Variants in KCNQ5 observed in about 807,000 individuals in gnomAD.
KCNQ5 encodes potassium voltage-gated channel subfamily Q member 5.
A neutral mutation model predicts 98.2 loss-of-function variants in KCNQ5; 30 were observed. That is an observed-to-expected ratio of 0.31 (90% CI 0.23 to 0.41). The LOEUF is 0.41. KCNQ5 is among the 10% of genes least tolerant of loss of function. The pLI, the probability that KCNQ5 is intolerant of heterozygous loss-of-function variation, is 1.00. For missense variants in KCNQ5, 835 were observed against 1,182.5 expected (o/e 0.71, Z 4.31); for synonymous variants, 458 against 449.4 (o/e 1.02, Z -0.24).
chr6:73,185,949 G>A (rs367940070), intron 11 of KCNQ5, among the ~76,000 whole-genome samples: 2 of 152,222 alleles, frequency 1.3e-5, no homozygotes, highest in South Asian at 2.1e-4. Context: ...TATGGGCCAA[G>A]TGCAGTGGTT....
intron 1 of KCNQ5, among the ~76,000 whole-genome samples, chr6:72,802,133 T>C (rs1774693055): frequency 6.6e-6 from 1 of 152,072 alleles, no homozygotes; most frequent in Non-Finnish European, 1.5e-5. Flanking sequence ...AGGAGTATCT[T>C]TGTGGCGTTC....
intron 1 of KCNQ5, among the ~76,000 whole-genome samples, chr6:72,888,630 A>G (rs16883011): frequency 0.019 from 2,853 of 152,220 alleles, 94 homozygotes; most frequent in African/African-American, 0.064. Context: ...ACCATAAAGT[A>G]GTGACAACGA....
chr6:72,815,267 A>G (rs1775451606), intron 1 of KCNQ5, among the ~76,000 whole-genome samples: 2 of 152,196 alleles, frequency 1.3e-5, no homozygotes, highest in South Asian at 2.1e-4. Flanking sequence ...CTCACTTTTT[A>G]TCCTTAGAAC....
intron 3 of KCNQ5, among the ~76,000 whole-genome samples, chr6:73,076,103 C>T (rs764805399): frequency 2.8e-4 from 42 of 152,200 alleles, no homozygotes; most frequent in Middle Eastern, 3.4e-3. Flanking sequence ...ACAACTGACC[C>T]CCCCTCTCTC....
At chr6:73,162,113 G>A (rs1305492025) in intron 10 of KCNQ5, among the ~76,000 whole-genome samples, 2 of 150,588 alleles carry the variant, frequency 1.3e-5, no homozygotes, top group African/African-American at 4.9e-5. Flanking sequence ...TTTTAGTAGA[G>A]GTGGGTTTTC....
At chr6:73,122,692 A>G (rs985178766) in intron 8 of KCNQ5, among the ~76,000 whole-genome samples, 4 of 152,194 alleles carry the variant, frequency 2.6e-5, no homozygotes, top group African/African-American at 9.7e-5. Flanking sequence ...GAGGTTCTTA[A>G]TCCTTGTTGA....
At chr6:72,799,631 T>C (rs1774530327) in intron 1 of KCNQ5, among the ~76,000 whole-genome samples, 1 of 152,204 alleles carries the variant, frequency 6.6e-6, no homozygotes, top group Non-Finnish European at 1.5e-5. Flanking sequence ...TAACATTTCT[T>C]TGAGATCAAA....
intron 3 of KCNQ5, among the ~76,000 whole-genome samples, chr6:73,045,983 A>G (rs185418914): frequency 6.6e-6 from 1 of 152,238 alleles, no homozygotes; most frequent in East Asian, 1.9e-4. Context: ...AGGACAAAAG[A>G]GGAATAAAAT....
At position 73,173,790 on chromosome 6, in the gene KCNQ5, GAAAA is replaced by G. The variant is rs909439971; in HGVS notation, c.1577+3945_1577+3948del. ...CATGGTGAAACCCTGTCTCTAAAGGGAAAAAAAAAAAAGAATGACACTAAAATAA... is the reference window on the plus strand; with the variant it reads ...CATGGTGAAACCCTGTCTCTAAAGGGAAAAAAAAGAATGACACTAAAATAA... On this transcript the variant is annotated intron_variant, in intron 11 of 13. Transcript: ENST00000370398. 7.6e-5 allele frequency among the ~76,000 whole-genome samples: 11 copies of G among 145,666 alleles called. No individual in the cohort carries two copies. In the South Asian group the frequency reaches 1.6e-3, roughly 21 times the overall value.
intron 1 of KCNQ5, among the ~76,000 whole-genome samples, chr6:72,653,008 T>G (rs572006404): frequency 4.6e-5 from 7 of 152,270 alleles, no homozygotes; most frequent in South Asian, 2.1e-4. Flanking sequence ...TACCATTTAT[T>G]CACAGACAAT....
chr6:72,855,550 T>A (rs934294622), intron 1 of KCNQ5, among the ~76,000 whole-genome samples: 3 of 152,174 alleles, frequency 2.0e-5, no homozygotes, highest in Non-Finnish European at 4.4e-5. Context: ...AATTTTATTG[T>A]TTGGTCAAGT....
chr6:72,716,018 C>T (rs895797928), intron 1 of KCNQ5, among the ~76,000 whole-genome samples: 3 of 152,116 alleles, frequency 2.0e-5, no homozygotes, highest in African/African-American at 4.8e-5. Context: ...TCCTCTTCCA[C>T]AATTTGCCTT....
At chr6:72,865,186 G>A (rs1384074463) in intron 1 of KCNQ5, among the ~76,000 whole-genome samples, 1 of 152,138 alleles carries the variant, frequency 6.6e-6, no homozygotes, top group Non-Finnish European at 1.5e-5. Flanking sequence ...TGGAAATCAG[G>A]ACCTCAATCC....
Position 72,758,402 on chromosome 6 carries a change from T to C in KCNQ5, c.398+135815T>C, listed in dbSNP as rs1304034981. ...TGTTTATTTTCAGGCTTTTAAGAAA[T>C]TTTTATTAGACGATTTTAGTAATTC... On this transcript the variant is annotated intron_variant, in intron 1 of 13. Coordinates refer to ENST00000370398, the MANE Select transcript of KCNQ5 (RefSeq NM_019842.4). 2.6e-5 allele frequency among the ~76,000 whole-genome samples: 4 copies of C among 152,278 alleles called. No individual in the cohort carries two copies. In the South Asian group the frequency reaches 8.3e-4, roughly 32 times the overall value.
At chr6:72,953,287 C>T (rs994078461) in intron 1 of KCNQ5, among the ~76,000 whole-genome samples, 2 of 152,332 alleles carry the variant, frequency 1.3e-5, no homozygotes, top group South Asian at 2.1e-4. Flanking sequence ...GCCTGACTTA[C>T]AGCCAACTAG....
intron 1 of KCNQ5, among the ~76,000 whole-genome samples, chr6:72,872,234 G>T (rs1778239485): frequency 6.6e-6 from 1 of 152,142 alleles, no homozygotes; most frequent in South Asian, 2.1e-4. Context: ...AATATGTGTT[G>T]TTATTAACCT....
At chr6:73,149,806 A>AGAG (rs528364408) in intron 10 of KCNQ5, among the ~76,000 whole-genome samples, 135 of 144,164 alleles carry the variant, frequency 9.4e-4, no homozygotes, top group African/African-American at 3.5e-3. Flanking sequence ...AAAAAAAAAA[A>AGAG]AGAGAGAGAG....
chr6:72,984,385 T>C (rs1040580677), intron 1 of KCNQ5, among the ~76,000 whole-genome samples: 1 of 152,222 alleles, frequency 6.6e-6, no homozygotes, highest in Admixed American at 6.5e-5. Flanking sequence ...GCTTCCAGGC[T>C]GCTTTGTTTA....
At chr6:72,941,937 A>G (rs1766332858) in intron 1 of KCNQ5, among the ~76,000 whole-genome samples, 1 of 152,158 alleles carries the variant, frequency 6.6e-6, no homozygotes, top group Non-Finnish European at 1.5e-5. Context: ...TGTTCTGAGC[A>G]AACACAATGT....
Sources: allele counts gnomAD v4.1 joint callset (sites outside exome capture counted in the v4.1 genomes callset), GRCh38; gene constraint gnomAD v4.1.1; transcripts MANE v1.5; gene names NCBI Gene and HGNC (gene_info 2026-07-23, HGNC 2026-07-21).